OR9Q1: variants seen among roughly 807,000 people sequenced by gnomAD.
OR9Q1 encodes olfactory receptor family 9 subfamily Q member 1.
For synonymous variants in OR9Q1, 153 were observed against 148.6 expected, an observed-to-expected ratio of 1.03 and a Z score of -0.22; for missense variants, 374 against 378.8, an observed-to-expected ratio of 0.99 and a Z score of 0.11.
At chr11:58,057,731 TG>T (rs1350618904) in intron 2 of OR9Q1, 2 of 152,244 alleles carry the variant, frequency 1.3e-5, no homozygotes, top group African/African-American at 2.4e-5. Context: ...CTCCCCTTTT[TG>T]GTGATCTCCC....
rs755442631 is a variant in OR9Q1, at chr11:58,179,830, C to A, written c.386C>A (p.Pro129His). ...GACCGCTACTTGGCTGTGTGCCAGC[C>A]CCTGCTTTATGTCACCATCCTGACA... ...AYDRYLAVCQ[P>H]LLYVTILTQQ... is the part of the protein sequence containing the mutation. Residue 129 changes from proline to histidine, a missense_variant, in exon 3 of 3, where the codon CCC becomes CAC. Physicochemically the swap from Pro to His is moderately conservative, Grantham distance 77. Transcript: ENST00000335397. 14 of 1,614,180 alleles carry A rather than the reference C, an allele frequency of 8.7e-6. No individual in the cohort carries two copies. The highest frequency in any genetic ancestry group is 1.1e-5 in the Non-Finnish European group (13 of 1,180,018).
chr11:58,140,130 G>A (rs1384506124), intron 2 of OR9Q1, among the ~76,000 whole-genome samples: 2 of 152,056 alleles, frequency 1.3e-5, no homozygotes, highest in East Asian at 3.9e-4. Flanking sequence ...TTTTGATGGG[G>A]TTGTTTGTTT....
chr11:58,119,934 C>G (rs1325293989), intron 2 of OR9Q1, among the ~76,000 whole-genome samples: 1 of 152,158 alleles, frequency 6.6e-6, no homozygotes, highest in African/African-American at 2.4e-5. Flanking sequence ...CAATTTTAAT[C>G]ACTTCTTCTT....
At chr11:58,120,835 T>TATATATATAC (rs1461572338) in intron 2 of OR9Q1, among the ~76,000 whole-genome samples, 1 of 147,028 alleles carries the variant, frequency 6.8e-6, no homozygotes, top group Non-Finnish European at 1.5e-5. Flanking sequence ...TATACATATA[T>TATATATATAC]TCTTGTTTTT....
intron 1 of OR9Q1, among the ~76,000 whole-genome samples, chr11:58,034,234 C>T (rs1257558479): frequency 6.6e-6 from 1 of 151,660 alleles, no homozygotes; most frequent in Non-Finnish European, 1.5e-5. Flanking sequence ...TACAGGGGCC[C>T]GCCACCATGC....
chr11:58,113,927 C>A (rs1053973911), intron 2 of OR9Q1, among the ~76,000 whole-genome samples: 1 of 151,594 alleles, frequency 6.6e-6, no homozygotes. Context: ...AAGAGCTGGT[C>A]CTTGTGCTCC....
intron 2 of OR9Q1, among the ~76,000 whole-genome samples, chr11:58,108,255 C>CA (rs1404330983): frequency 5.3e-5 from 8 of 152,012 alleles, no homozygotes; most frequent in African/African-American, 7.2e-5. Flanking sequence ...ATCCATACCA[C>CA]AAAAAACCCT....
chr11:58,067,430 C>T (rs1307259341), intron 2 of OR9Q1, among the ~76,000 whole-genome samples: 5 of 152,204 alleles, frequency 3.3e-5, no homozygotes, highest in Non-Finnish European at 5.9e-5. Flanking sequence ...CAGTTTCCCT[C>T]TCTGTGATGG....
chr11:58,130,767 A>T (rs3019061), intron 2 of OR9Q1, among the ~76,000 whole-genome samples: 2 of 151,762 alleles, frequency 1.3e-5, no homozygotes, highest in African/African-American at 4.8e-5. Flanking sequence ...AGATCACGCC[A>T]CTGCACCCCA....
intron 2 of OR9Q1, among the ~76,000 whole-genome samples, chr11:58,119,883 C>A (rs978267389): frequency 1.3e-5 from 2 of 152,072 alleles, no homozygotes; most frequent in Non-Finnish European, 2.9e-5. Flanking sequence ...CCTTCTGTAC[C>A]TTTCACACAC....
intron 2 of OR9Q1, chr11:58,171,280 C>T (rs1854552014): frequency 6.6e-6 from 1 of 152,200 alleles, no homozygotes; most frequent in Non-Finnish European, 1.5e-5. Context: ...TTCACCTGCT[C>T]ACTCTCCTTT....
At chr11:58,141,865 C>A (rs767457288) in intron 2 of OR9Q1, among the ~76,000 whole-genome samples, 4 of 152,082 alleles carry the variant, frequency 2.6e-5, no homozygotes, top group Non-Finnish European at 4.4e-5. Flanking sequence ...GATTATTGAG[C>A]CTCTAGTATC....
intron 2 of OR9Q1, among the ~76,000 whole-genome samples, chr11:58,058,033 A>G (rs1004223522): frequency 1.3e-5 from 2 of 152,146 alleles, no homozygotes; most frequent in African/African-American, 4.8e-5. Flanking sequence ...TCTAAATTTG[A>G]TGCTCCTTTC....
chr11:58,084,762 C>T (rs959580724), intron 2 of OR9Q1, among the ~76,000 whole-genome samples: 1 of 151,816 alleles, frequency 6.6e-6, no homozygotes, highest in Non-Finnish European at 1.5e-5. Context: ...TAGAAACCCT[C>T]GACAGACTAG....
At chr11:58,106,375 C>T (rs1026646078) in intron 2 of OR9Q1, among the ~76,000 whole-genome samples, 4 of 151,788 alleles carry the variant, frequency 2.6e-5, no homozygotes, top group African/African-American at 9.7e-5. Flanking sequence ...TGCCGGAGTT[C>T]GATATATATT....
intron 2 of OR9Q1, among the ~76,000 whole-genome samples, chr11:58,085,907 T>C (rs1018795567): frequency 1.3e-5 from 2 of 151,658 alleles, no homozygotes; most frequent in Non-Finnish European, 2.9e-5. Context: ...GGAATTTAGG[T>C]AGGAGGTTAT....
chr11:58,081,087 G>T (rs1232021129), intron 2 of OR9Q1, among the ~76,000 whole-genome samples: 2 of 151,940 alleles, frequency 1.3e-5, no homozygotes, highest in Non-Finnish European at 2.9e-5. Context: ...CTGTCCTTGT[G>T]ATAGTTTGCT....
At chr11:58,043,681 T>C (rs1375829946) in intron 1 of OR9Q1, among the ~76,000 whole-genome samples, 1 of 152,268 alleles carries the variant, frequency 6.6e-6, no homozygotes, top group Admixed American at 6.5e-5. Flanking sequence ...TTGCTTGTTG[T>C]TTAAGGCCTG....
At chr11:58,157,336 C>T (rs951493197) in intron 2 of OR9Q1, among the ~76,000 whole-genome samples, 6 of 152,096 alleles carry the variant, frequency 3.9e-5, no homozygotes, top group Non-Finnish European at 8.8e-5. Context: ...TATTATTGCT[C>T]GTAGCTTTAT....
Sources: gnomAD v4.1 joint callset for allele counts (sites outside exome capture counted in the v4.1 genomes callset) on GRCh38, gnomAD v4.1.1 for gene constraint, MANE v1.5 for transcripts, NCBI Gene and HGNC (gene_info 2026-07-23, HGNC 2026-07-21) for gene names.